The following XKR6 variants were observed in gnomAD, a reference collection of about 807,000 sequenced individuals.
XKR6 encodes the protein XK-related protein 6.
In XKR6, 22 loss-of-function variants were observed where a neutral mutation model predicts 56.7. The observed-to-expected ratio is 0.39, with a 90% confidence interval of 0.28 to 0.55. The LOEUF is 0.55. XKR6 is among the 20% of genes least tolerant of loss of function. The probability of loss-of-function intolerance (pLI) is 0.66; values close to 1 mark genes in which losing one functional copy is unlikely to be tolerated. For synonymous variants in XKR6, 524 were observed against 387.8 expected (o/e 1.35, Z -4.13); for missense variants, 852 against 889.0 (o/e 0.96, Z 0.53).
At chr8:11,188,796 C>G (rs1803404289) in intron 1 of XKR6, among the ~76,000 whole-genome samples, 1 of 152,190 alleles carries the variant, frequency 6.6e-6, no homozygotes, top group African/African-American at 2.4e-5. Flanking sequence ...TGCAAGTCCA[C>G]AGACCCCAGG....
intron 1 of XKR6, among the ~76,000 whole-genome samples, chr8:10,925,140 G>C (rs1444789743): frequency 6.6e-6 from 1 of 152,192 alleles, no homozygotes; most frequent in Non-Finnish European, 1.5e-5. Context: ...CCCTGCCAGG[G>C]CCTGCAGGTA....
intron 1 of XKR6, among the ~76,000 whole-genome samples, chr8:10,926,494 A>C (rs1256961861): frequency 6.6e-6 from 1 of 152,096 alleles, no homozygotes; most frequent in Admixed American, 6.5e-5. Context: ...TTCTCTCCAG[A>C]CCCACCCCCT....
intron 1 of XKR6, among the ~76,000 whole-genome samples, chr8:11,085,756 G>A (rs1339115323): frequency 6.6e-6 from 1 of 152,124 alleles, no homozygotes; most frequent in Non-Finnish European, 1.5e-5. Context: ...GCATGGCCCT[G>A]GGACAGCAAC....
chr8:11,128,925 CTGGCTTCTTTAA>C (rs1447235321), intron 1 of XKR6: 1 of 456,780 alleles, frequency 2.2e-6, no homozygotes, highest in Non-Finnish European at 4.4e-6. Context: ...CCTTGTTCCC[CTGGCTTCTTTAA>C]TAAAGCAGCC....
rs531877119 is a variant in XKR6, at chr8:10,979,004, C to T, written c.765-54174G>A. On this transcript the variant is annotated intron_variant, in intron 1 of 2. Coordinates refer to ENST00000416569, the MANE Select transcript of XKR6 (RefSeq NM_173683.4). The stretch of plus-strand genomic sequence containing the variant: ...GCCATGCCCAGACCCATCTGTCCAC[C>T]CCCTGCCTGGAATGCCTCCTGATCA... 7.9e-5 allele frequency among the ~76,000 whole-genome samples: 12 copies of T among 152,238 alleles called. No homozygotes were observed. In the East Asian group the frequency reaches 2.3e-3, roughly 30 times the overall value.
chr8:11,062,888 C>G (rs752335491), intron 1 of XKR6: 2 of 455,184 alleles, frequency 4.4e-6, no homozygotes, highest in Admixed American at 2.4e-5. Flanking sequence ...CCCTTCCAGA[C>G]GTCGTACTGA....
intron 1 of XKR6, among the ~76,000 whole-genome samples, chr8:11,005,751 G>A (rs1487597000): frequency 6.6e-6 from 1 of 151,738 alleles, no homozygotes; most frequent in Non-Finnish European, 1.5e-5. Context: ...TCTGAATGCT[G>A]AGATTATATT....
intron 1 of XKR6, among the ~76,000 whole-genome samples, chr8:10,977,692 C>T (rs923031451): frequency 2.7e-5 from 4 of 149,474 alleles, no homozygotes; most frequent in Non-Finnish European, 4.4e-5. Flanking sequence ...GAGGTGGGTT[C>T]GGGGATAGAG....
Position 10,898,207 on chromosome 8 carries a change from G to T in XKR6, c.1671C>A (p.Asp557Glu), listed in dbSNP as rs142258523. Residue 557 changes from aspartate to glutamate, a missense_variant, in exon 3 of 3, where the codon GAC becomes GAA. This residue lies in a region of XKR6 where 197 missense variants were observed against 190.9 expected (regional missense o/e 1.03). Transcript: ENST00000416569. This position sits in a 1 kb window ranked among gnomAD's most constrained non-coding sequence, Gnocchi z 6.6. ...VTEQQEDLTA[D>E]TCLPVFQVRP... ...TCACTTGGAAAACAGGCAAGCAAGT[G>T]TCAGCCGTGAGATCCTCCTGTTGTT... is the stretch of plus-strand genomic sequence containing the variant. 52 of 1,614,150 alleles carry T rather than the reference G, an allele frequency of 3.2e-5. No individual in the cohort carries two copies. In the Admixed American group the frequency reaches 6.2e-4, roughly 19 times the overall value.
chr8:11,185,405 C>T (rs1224132312), intron 1 of XKR6, among the ~76,000 whole-genome samples: 1 of 152,172 alleles, frequency 6.6e-6, no homozygotes, highest in African/African-American at 2.4e-5. Flanking sequence ...TATGGGAAAA[C>T]TGGTTTCCAT....
At chr8:10,961,103 C>T (rs780784008) in intron 1 of XKR6, among the ~76,000 whole-genome samples, 2 of 152,072 alleles carry the variant, frequency 1.3e-5, no homozygotes, top group Non-Finnish European at 2.9e-5. Flanking sequence ...AGGGACAGAG[C>T]ATGAGGCAGA....
chr8:11,015,303 C>A (rs1798593467), intron 1 of XKR6, among the ~76,000 whole-genome samples: 1 of 152,052 alleles, frequency 6.6e-6, no homozygotes, highest in Non-Finnish European at 1.5e-5. Flanking sequence ...CTCTTCTGAG[C>A]ACATCCGGGA....
chr8:11,060,429 G>C (rs1799801137), intron 1 of XKR6, among the ~76,000 whole-genome samples: 2 of 152,248 alleles, frequency 1.3e-5, no homozygotes, highest in African/African-American at 4.8e-5. Context: ...CAGCCCCGCA[G>C]TGCCTTGATG....
intron 1 of XKR6, among the ~76,000 whole-genome samples, chr8:11,172,851 G>A (rs577242679): frequency 3.9e-5 from 6 of 152,180 alleles, no homozygotes; most frequent in Admixed American, 6.5e-5. Flanking sequence ...GAAGATTCAC[G>A]GGGAAAACAT....
chr8:11,144,689 T>C (rs76797667), intron 1 of XKR6, among the ~76,000 whole-genome samples: 17,485 of 152,032 alleles, frequency 0.12, 1,161 homozygotes, highest in South Asian at 0.24. Context: ...GAGGGCAAAG[T>C]AGCAAGCCGC....
Position 10,897,900 on chromosome 8 carries a change from G to A in XKR6, c.*52C>T, listed in dbSNP as rs1270962178. The A allele has an allele frequency of 6.6e-7, 1 of 1,517,050 alleles. No individual in the cohort carries two copies. Among genetic ancestry groups the A allele is most frequent in the South Asian group, 1.3e-5 (1 of 74,758 alleles). 94.0% of individuals were successfully genotyped at this position (1,517,050 alleles called of 1,614,324 possible). A position where few individuals can be genotyped will look rare whatever the true frequency, so the allele number is the denominator to read the frequency against. On this transcript the variant is annotated 3_prime_UTR_variant, in exon 3 of 3. Transcript: ENST00000416569. The stretch of plus-strand genomic sequence containing the variant: ...GAGGGTTATATTTCTTGCAAGTGCT[G>A]TTTGCCGCAAACCAAACTTAAGGTC...
At chr8:10,942,679 T>C (rs1019402288) in intron 1 of XKR6, among the ~76,000 whole-genome samples, 1 of 152,128 alleles carries the variant, frequency 6.6e-6, no homozygotes, top group African/African-American at 2.4e-5. Flanking sequence ...GCTGCCCCCA[T>C]TATTGAGAAC....
chr8:11,012,596 T>C (rs1221898446), intron 1 of XKR6, among the ~76,000 whole-genome samples: 1 of 152,052 alleles, frequency 6.6e-6, no homozygotes, highest in Non-Finnish European at 1.5e-5. Flanking sequence ...AGCTGGGAAA[T>C]GTAAACTATA....
intron 1 of XKR6, among the ~76,000 whole-genome samples, chr8:10,942,088 G>C (rs1801400689): frequency 6.6e-6 from 1 of 152,136 alleles, no homozygotes; most frequent in Non-Finnish European, 1.5e-5. Context: ...TATCCTGGGA[G>C]GATGCAGGTG....
Sources: allele counts gnomAD v4.1 joint callset (sites outside exome capture counted in the v4.1 genomes callset), GRCh38; gene constraint gnomAD v4.1.1; regional missense constraint gnomAD v4.1.1; non-coding constraint Gnocchi (gnomAD v3.1); transcripts MANE v1.5; gene names NCBI Gene and HGNC (gene_info 2026-07-23, HGNC 2026-07-21).